FAM72D: variants seen among roughly 807,000 people sequenced by gnomAD.
FAM72D encodes the protein RUMY family member 4.
For missense variants in FAM72D, 9 were observed against 104.7 expected (o/e 0.09, Z 3.99); for synonymous variants, 4 against 35.1 (o/e 0.11, Z 3.13).
At chr1:145,100,822 G>C (rs1333001755) in intron 2 of FAM72D, among the ~76,000 whole-genome samples, 1 of 150,840 alleles carries the variant, frequency 6.6e-6, no homozygotes, top group Non-Finnish European at 1.5e-5. Context: ...TTTTAGTAGA[G>C]ACAGGATTTC....
intron 3 of FAM72D, among the ~76,000 whole-genome samples, chr1:145,107,006 G>C (rs1180682001): frequency 1.1e-5 from 1 of 92,678 alleles, no homozygotes; most frequent in Non-Finnish European, 2.0e-5. Context: ...GATCACTTGA[G>C]GTCAGGGGTT....
In FAM72D at chr1:145,105,723, C is replaced by G. The variant is rs587695280; in HGVS notation, c.355+2592C>G. On this transcript the variant is annotated intron_variant, in intron 3 of 3. Coordinates refer to ENST00000400889, the MANE Select transcript of FAM72D (RefSeq NM_207418.3). ...ATCCCAGCAGTTTGGGAGGCCAAGG[C>G]GGGCAGATCACCTGAGGTTGGGAGT... Among the ~76,000 whole-genome samples, 30 of 150,498 alleles carry G rather than the reference C, an allele frequency of 2.0e-4. No individual in the cohort carries two copies. In the East Asian group the frequency reaches 5.5e-3, roughly 27 times the overall value.
intron 2 of FAM72D, 65 bp downstream of exon 2, chr1:145,099,130 G>A (rs1654581489): frequency 2.2e-5 from 1 of 46,084 alleles, no homozygotes; most frequent in South Asian, 2.1e-4. Context: ...CCAAAGCATA[G>A]AGAAAGGTTC....
chr1:145,107,133 C>CAA (rs71270756), intron 3 of FAM72D, among the ~76,000 whole-genome samples: 7 of 68,876 alleles, frequency 1.0e-4, no homozygotes, highest in African/African-American at 1.9e-4. Context: ...GACCCTGTCT[C>CAA]AAAAAAAAAA....
chr1:145,100,894 C>T (rs1654675754), intron 2 of FAM72D, among the ~76,000 whole-genome samples: 1 of 148,278 alleles, frequency 6.7e-6, no homozygotes, highest in African/African-American at 2.5e-5. Flanking sequence ...CCTCGGCCTC[C>T]CAAAGTGTGA....
chr1:145,112,337 G>A lies in FAM72D; in HGVS notation c.*740G>A, dbSNP rs1223941522. On this transcript the variant is annotated 3_prime_UTR_variant, in exon 4 of 4. Coordinates refer to ENST00000400889, the MANE Select transcript of FAM72D (RefSeq NM_207418.3). Reference sequence around the variant, plus strand: ...TCTGTAAATAGTGAATTTTAGACGAGTGGTCTGTCCTAAATCTTAAATAGA... The same window carrying A: ...TCTGTAAATAGTGAATTTTAGACGAATGGTCTGTCCTAAATCTTAAATAGA... 1 of 151,442 alleles carries A rather than the reference G, an allele frequency of 6.6e-6. No homozygotes were observed. Among genetic ancestry groups the A allele is most frequent in the African/African-American group, 2.4e-5 (1 of 41,128 alleles). The allele number at this position is 151,442 out of a possible 1,614,324, so 9.4% of individuals were successfully genotyped here.
Position 145,105,929 on chromosome 1 carries a change from G to T in FAM72D, c.355+2798G>T, listed in dbSNP as rs1450499349. ...ATCACGCCATTGCACTCCAGCCTGG[G>T]CAACAAAAGTGAAACTCCATCTCAA... On this transcript the variant is annotated intron_variant, in intron 3 of 3. Transcript: ENST00000400889. Among the ~76,000 whole-genome samples, 3 of 144,734 alleles carry T rather than the reference G, an allele frequency of 2.1e-5. No individual in the cohort carries two copies. The East Asian group carries it at 6.1e-4, about 29-fold the overall frequency. 95.0% of individuals were successfully genotyped at this position (144,734 alleles called of 152,430 possible). A position where few individuals can be genotyped will look rare whatever the true frequency, so the allele number is the denominator to read the frequency against.
At chr1:145,105,726 G>A (rs1405008003) in intron 3 of FAM72D, among the ~76,000 whole-genome samples, 2 of 150,530 alleles carry the variant, frequency 1.3e-5, no homozygotes, top group Admixed American at 6.6e-5. Flanking sequence ...GCCAAGGCGG[G>A]CAGATCACCT....
At chr1:145,101,090 T>A (rs1219318548) in intron 2 of FAM72D, among the ~76,000 whole-genome samples, 3 of 149,340 alleles carry the variant, frequency 2.0e-5, no homozygotes, top group Non-Finnish European at 4.4e-5. Context: ...TACAGGCACA[T>A]GCCACCATGC....
At chr1:145,104,238 G>A (rs1323105602) in intron 3 of FAM72D, among the ~76,000 whole-genome samples, 1 of 144,748 alleles carries the variant, frequency 6.9e-6, no homozygotes, top group South Asian at 2.2e-4. Flanking sequence ...GCTGGTGGAG[G>A]GTCTTGCCTT....
In FAM72D at chr1:145,096,770, CTAGGGGAATCAAAATAG is replaced by C; in HGVS notation, c.-73_-57del. ...TAGGTCCCGCAATTTGAATTTTAGC[CTAGGGGAATCAAAATAG>C]TAGGAGCATTACTCTTGTTTCCTTT... On this transcript the variant is annotated 5_prime_UTR_variant, in exon 1 of 4. Transcript: ENST00000400889. The C allele has an allele frequency of 2.2e-6, 1 of 455,350 alleles. No individual in the cohort carries two copies. The allele number at this position is 455,350 out of a possible 1,614,324, so 28.2% of individuals were successfully genotyped here. A position where few individuals can be genotyped will look rare whatever the true frequency, so the allele number is the denominator to read the frequency against.
At chr1:145,107,371 G>A (rs372649804) in intron 3 of FAM72D, among the ~76,000 whole-genome samples, 2 of 112,064 alleles carry the variant, frequency 1.8e-5, no homozygotes, top group African/African-American at 7.1e-5. Flanking sequence ...TCAGCCTCCC[G>A]AGTAGCGAGA....
rs1426484632 is a variant in FAM72D, at chr1:145,112,223, GTTAT to G, written c.*634_*637del. 1 of 141,342 alleles carries G rather than the reference GTTAT, an allele frequency of 7.1e-6. No homozygotes were observed. The highest frequency in any genetic ancestry group is 2.7e-5 in the African/African-American group (1 of 37,438). The allele number at this position is 141,342 out of a possible 1,614,324, so 8.8% of individuals were successfully genotyped here. On this transcript the variant is annotated 3_prime_UTR_variant, in exon 4 of 4. Transcript: ENST00000400889. ...ATATCAGTATACGCTGTTTACCAAT[GTTAT>G]TTATTTACATTCTTCTAAAGCCATT...
chr1:145,106,076 C>A (rs1186217907), intron 3 of FAM72D, among the ~76,000 whole-genome samples: 2 of 131,608 alleles, frequency 1.5e-5, no homozygotes, highest in Non-Finnish European at 3.2e-5. Context: ...TTTGCTTCAC[C>A]TGAACTTGTA....
chr1:145,101,990 A>C lies in FAM72D; in HGVS notation c.231-1017A>C, dbSNP rs1385898383. Among the ~76,000 whole-genome samples the C allele has an allele frequency of 7.5e-5, 9 of 119,948 alleles. 1 individual carries two copies. The highest frequency in any genetic ancestry group is 7.2e-4 in the Admixed American group (9 of 12,574). 78.7% of individuals were successfully genotyped at this position (119,948 alleles called of 152,430 possible). A position where few individuals can be genotyped will look rare whatever the true frequency, so the allele number is the denominator to read the frequency against. On this transcript the variant is annotated intron_variant, in intron 2 of 3. Transcript: ENST00000400889. Reference sequence around the variant, plus strand: ...TTACAACTCAAGGTATAAACAGTTCATGTTGCTATTTTTTTTAAAGTACTA... The same window carrying C: ...TTACAACTCAAGGTATAAACAGTTCCTGTTGCTATTTTTTTTAAAGTACTA...
intron 2 of FAM72D, among the ~76,000 whole-genome samples, chr1:145,100,251 G>C (rs868911332): frequency 4.2e-5 from 5 of 119,446 alleles, no homozygotes; most frequent in African/African-American, 1.6e-4. Context: ...ATTTTAGGAG[G>C]ATAAAAGTTG....
At chr1:145,102,476 A>C (rs2102544743) in intron 2 of FAM72D, among the ~76,000 whole-genome samples, 1 of 42,108 alleles carries the variant, frequency 2.4e-5, no homozygotes, top group South Asian at 7.9e-4. Flanking sequence ...GCATAAAATA[A>C]TACTAGCAGG....
Position 145,096,941 on chromosome 1 carries a change from G to T in FAM72D, c.94G>T (p.Ala32Ser). Residue 32 changes from alanine (A) to serine (S), a missense_variant, in exon 1 of 4, where the codon GCT (alanine) becomes TCT (serine). Transcript: ENST00000400889. ...KQVLSSRGMK[A>S]VLLADTEIDL... ...AGTGCTCAGCTCTAGGGGAATGAAG[G>T]CTGTTTTGCTGGCTGATACTGAAAT... 1 of 1,261,522 alleles carries T rather than the reference G, an allele frequency of 7.9e-7. No individual in the cohort carries two copies. Among genetic ancestry groups the T allele is most frequent in the Non-Finnish European group, 1.1e-6 (1 of 915,430 alleles). 78.1% of individuals were successfully genotyped at this position (1,261,522 alleles called of 1,614,324 possible).
intron 2 of FAM72D, among the ~76,000 whole-genome samples, chr1:145,100,977 T>A (rs9697574): frequency 5.3e-5 from 8 of 150,252 alleles, no homozygotes; most frequent in South Asian, 2.1e-4. Context: ...AGTCTTGCTC[T>A]GTTGCCCAGG....
Sources: allele counts gnomAD v4.1 joint callset (sites outside exome capture counted in the v4.1 genomes callset), GRCh38; gene constraint gnomAD v4.1.1; transcripts MANE v1.5; gene names NCBI Gene and HGNC (gene_info 2026-07-23, HGNC 2026-07-21).